FREM2: variants seen among roughly 807,000 people sequenced by gnomAD.
FREM2 encodes the protein FRAS1-related extracellular matrix protein 2.
Under a neutral mutation model 219.9 loss-of-function variants are expected in FREM2, and 119 were observed. That is an observed-to-expected ratio of 0.54 (90% confidence interval 0.47 to 0.63). The LOEUF (loss-of-function observed/expected upper bound fraction) is 0.63. Among genes scored for constraint, FREM2 ranks in the 30% least tolerant of loss-of-function variants. The pLI is 0.00. For synonymous variants in FREM2, 1,562 were observed against 1,522.8 expected (o/e 1.03, Z -0.60); for missense variants, 4,030 against 3,993.6 (o/e 1.01, Z -0.25).
chr13:38,856,066 A>AAAT, intron 11 of FREM2, 60 bp from the exon 12 acceptor site: 1 of 1,177,492 alleles, frequency 8.5e-7, no homozygotes, highest in East Asian at 2.6e-5. Flanking sequence ...AAAAAAAAAA[A>AAAT]ATAGAAAACT....
At position 38,689,065 on chromosome 13, in the gene FREM2, G is replaced by A. The variant is rs752119755; in HGVS notation, c.1721G>A (p.Gly574Asp). 14 of 1,613,808 alleles carry A rather than the reference G, an allele frequency of 8.7e-6. No individual in the cohort carries two copies. Among genetic ancestry groups the A allele is most frequent in the African/African-American group, 5.3e-5 (4 of 74,922 alleles). Residue 574 changes from glycine (G) to aspartate (D), a missense_variant, in exon 1 of 24, where the codon GGT (glycine) becomes GAT (aspartate). This residue lies in a region of FREM2 where 3,102 missense variants were observed against 2,950.7 expected (regional missense o/e 1.05). Transcript: ENST00000280481. ...AACACGGGGCTGACACTGGCAGAGG[G>A]TGAAACAGTGCCCATCCTGCCCCTT... is the stretch of plus-strand genomic sequence containing the variant. ...NANTGLTLAE[G>D]ETVPILPLSL...
rs188008871 is a variant in FREM2, at chr13:38,877,960, G to C, written c.8672-174G>C. On this transcript the variant is annotated intron_variant, in intron 21 of 23. Transcript: ENST00000280481. ...AGTCTGCAAAGTGGTCTTACCTGAG[G>C]CCTGAGAATGTACCAGATCTTGAAG... 6.0e-3 allele frequency among the ~76,000 whole-genome samples: 920 copies of C among 152,244 alleles called. 20 individuals carry two copies. The highest frequency in any genetic ancestry group is 0.035 in the Admixed American group (530 of 15,296).
intron 6 of FREM2, among the ~76,000 whole-genome samples, chr13:38,797,092 G>C (rs905990097): frequency 6.6e-6 from 1 of 151,482 alleles, no homozygotes. Flanking sequence ...TGCCCAGGCT[G>C]GTCTAGAACT....
rs987615040 is a variant in FREM2, at chr13:38,691,574, TTA to T, written c.4232_4233del (p.Tyr1411CysfsTer7). ...GINPLIDRYFYVSIGSIDIVF... is the reference protein window; with the variant it reads ...GINPLIDRYFXVSIGSIDIVF... ...TAAATCCCCTCATAGATCGTTACTT[TTA>T]TGTGTCCATCGGGAGCATTGACATT... On this transcript the variant is annotated frameshift_variant, in exon 1 of 24. Transcript: ENST00000280481. LOFTEE classifies it high-confidence loss of function. The T allele has an allele frequency of 1.9e-6, 3 of 1,614,036 alleles. No individual in the cohort carries two copies. The African/African-American group carries it at 4.0e-5, about 22-fold the overall frequency.
chr13:38,756,066 A>G (rs144969970), intron 2 of FREM2, among the ~76,000 whole-genome samples: 6 of 152,330 alleles, frequency 3.9e-5, no homozygotes, highest in Middle Eastern at 3.4e-3. Flanking sequence ...ACTCCTGAGC[A>G]TATGCCAGAA....
chr13:38,714,746 G>A (rs1245481936), intron 2 of FREM2, among the ~76,000 whole-genome samples: 1 of 152,086 alleles, frequency 6.6e-6, no homozygotes, highest in Non-Finnish European at 1.5e-5. Context: ...TGTACATGAT[G>A]TATTTATGTA....
intron 2 of FREM2, among the ~76,000 whole-genome samples, chr13:38,712,382 AT>A (rs1870810878): frequency 6.6e-6 from 1 of 152,208 alleles, no homozygotes; most frequent in Non-Finnish European, 1.5e-5. Context: ...GATAAAACTG[AT>A]TAGGCCGCCT....
At chr13:38,796,498 AG>A (rs1159983578) in intron 6 of FREM2, among the ~76,000 whole-genome samples, 1 of 152,142 alleles carries the variant, frequency 6.6e-6, no homozygotes, top group Non-Finnish European at 1.5e-5. Flanking sequence ...TTCTGATGCT[AG>A]GCATTTTAAC....
At chr13:38,708,962 G>A (rs922756856) in intron 2 of FREM2, among the ~76,000 whole-genome samples, 1 of 152,110 alleles carries the variant, frequency 6.6e-6, no homozygotes, top group Non-Finnish European at 1.5e-5. Context: ...GTTTCATCAT[G>A]TTGGCCAGGC....
chr13:38,769,803 G>A lies in FREM2; in HGVS notation c.5636G>A (p.Gly1879Glu), dbSNP rs753320527. The A allele has an allele frequency of 6.2e-7, 1 of 1,612,080 alleles. No homozygotes were observed. Among genetic ancestry groups the A allele is most frequent in the Non-Finnish European group, 8.5e-7 (1 of 1,178,226 alleles). Residue 1879 changes from glycine (G) to glutamate (E), a missense_variant, in exon 4 of 24, where the codon GGA becomes GAA. By Grantham distance (98) the Gly-to-Glu change is moderately conservative. Coordinates refer to ENST00000280481, the MANE Select transcript of FREM2 (RefSeq NM_207361.6). ...TVATVEIVDP[G>E]DEPTVFIPQS... ...GCCACTGTTGAGATCGTTGATCCAG[G>A]AGATGGTAAGAGCCATCGTCAACTG...
At chr13:38,778,452 A>T (rs954139041) in intron 4 of FREM2, among the ~76,000 whole-genome samples, 1 of 152,174 alleles carries the variant, frequency 6.6e-6, no homozygotes, top group Non-Finnish European at 1.5e-5. Flanking sequence ...CACTAATCCC[A>T]TCCTGAGGGC....
rs1404976292 is a variant in FREM2 at position 38,856,150 on chromosome 13, C to A, written c.6950C>A (p.Thr2317Asn). 2 of 1,610,450 alleles carry A rather than the reference C, an allele frequency of 1.2e-6. No individual in the cohort carries two copies. The highest frequency in any genetic ancestry group is 1.3e-5 in the African/African-American group (1 of 74,824). Residue 2317 changes from threonine (T) to asparagine (N), a missense_variant, in exon 12 of 24, where the codon ACC becomes AAC. By Grantham distance (65) the Thr-to-Asn change is moderately conservative (BLOSUM62 0). Coordinates refer to ENST00000280481, the MANE Select transcript of FREM2 (RefSeq NM_207361.6). ...GAAATTGAGTTTAAGGAAGGGGAAACCCAGCACGTGGTTGAAATCGAAGTT... is the reference window on the plus strand; with the variant it reads ...GAAATTGAGTTTAAGGAAGGGGAAAACCAGCACGTGGTTGAAATCGAAGTT... Reference protein sequence around the residue: ...SEEIEFKEGETQHVVEIEVTF... With the variant: ...SEEIEFKEGENQHVVEIEVTF...
intron 14 of FREM2, 77 bp from the exon 15 acceptor site, chr13:38,861,354 T>G: frequency 6.9e-7 from 1 of 1,444,886 alleles, no homozygotes; most frequent in South Asian, 1.2e-5. Flanking sequence ...AAATAATAGC[T>G]CCTATTTTCT....
At chr13:38,711,325 A>G (rs1015449612) in intron 2 of FREM2, among the ~76,000 whole-genome samples, 1 of 152,180 alleles carries the variant, frequency 6.6e-6, no homozygotes, top group Non-Finnish European at 1.5e-5. Flanking sequence ...TTAATGTAGG[A>G]TGAAGATAGC....
At chr13:38,855,043 A>G (rs1310781947) in intron 11 of FREM2, among the ~76,000 whole-genome samples, 2 of 152,200 alleles carry the variant, frequency 1.3e-5, no homozygotes, top group Non-Finnish European at 2.9e-5. Flanking sequence ...CATGGTTTAC[A>G]GTATGATCAG....
intron 2 of FREM2, among the ~76,000 whole-genome samples, chr13:38,731,746 G>C (rs950680241): frequency 6.6e-6 from 1 of 152,106 alleles, no homozygotes; most frequent in Non-Finnish European, 1.5e-5. Context: ...TGTGCTCCTG[G>C]AATTTGTTTT....
At chr13:38,712,697 C>A (rs868245263) in intron 2 of FREM2, among the ~76,000 whole-genome samples, 1 of 151,032 alleles carries the variant, frequency 6.6e-6, no homozygotes, top group Non-Finnish European at 1.5e-5. Context: ...CACACAAGTA[C>A]ACACACAGAC....
intron 2 of FREM2, among the ~76,000 whole-genome samples, chr13:38,741,411 T>C (rs1247932625): frequency 6.6e-6 from 1 of 152,170 alleles, no homozygotes; most frequent in East Asian, 1.9e-4. Flanking sequence ...TTCTCCCTAA[T>C]GAAGACCTTC....
intron 4 of FREM2, among the ~76,000 whole-genome samples, chr13:38,771,871 TA>T (rs1873678026): frequency 1.3e-5 from 2 of 152,162 alleles, no homozygotes; most frequent in African/African-American, 4.8e-5. Flanking sequence ...TAAGAAAAAG[TA>T]ATAATTATCA....
Sources: allele counts gnomAD v4.1 joint callset (sites outside exome capture counted in the v4.1 genomes callset), GRCh38; gene constraint gnomAD v4.1.1; regional missense constraint gnomAD v4.1.1; transcripts MANE v1.5; gene names NCBI Gene and HGNC (gene_info 2026-07-23, HGNC 2026-07-21).